ITIH5: variants seen among roughly 807,000 people sequenced by gnomAD.
ITIH5 encodes inter-alpha-trypsin inhibitor heavy chain 5.
A neutral mutation model predicts 77.5 loss-of-function variants in ITIH5; 65 were observed. The ratio of observed to expected loss-of-function variants is 0.84; its 90% CI spans 0.69 to 1.03. The LOEUF (loss-of-function observed/expected upper bound fraction) is 1.03. ITIH5 is among the 50% of genes least tolerant of loss of function. ITIH5 has a pLI of 0.00. For missense variants in ITIH5, 1,208 were observed against 1,213.1 expected, an observed-to-expected ratio of 1.00 and a Z score of 0.06; for synonymous variants, 525 against 494.3, an observed-to-expected ratio of 1.06 and a Z score of -0.82.
At chr10:7,640,137 G>A (rs1030040981) in intron 4 of ITIH5, among the ~76,000 whole-genome samples, 1 of 122,212 alleles carries the variant, frequency 8.2e-6, no homozygotes, top group Non-Finnish European at 1.7e-5. Context: ...TTTAGAGTTA[G>A]GGGGTAACTA....
intron 1 of ITIH5, among the ~76,000 whole-genome samples, chr10:7,656,149 T>C (rs890955441): frequency 1.3e-5 from 2 of 152,204 alleles, no homozygotes; most frequent in Admixed American, 6.5e-5. Context: ...TTGAATTTTC[T>C]TCATGGTGTC....
At chr10:7,606,359 C>T (rs181979863) in intron 7 of ITIH5, among the ~76,000 whole-genome samples, 1 of 152,308 alleles carries the variant, frequency 6.6e-6, no homozygotes, top group African/African-American at 2.4e-5. Flanking sequence ...ACCTAAATGA[C>T]CATCAGTGGT....
intron 13 of ITIH5, among the ~76,000 whole-genome samples, chr10:7,565,779 T>TAC (rs57241496): frequency 0.23 from 33,756 of 148,582 alleles, 4,857 homozygotes; most frequent in East Asian, 0.4. Flanking sequence ...TATGCATACA[T>TAC]ACAGACTATA....
chr10:7,576,997 G>A lies in ITIH5; in HGVS notation c.1434C>T (p.Ile478=), dbSNP rs1179655781. ...GGATGTCAGAGAGGAGCGGGGTCCT[G>A]ATTTCATCGTAGAACCTGCAGTGGA... ...GSQLIGFYDE[I]RTPLLSDIRI... is the part of the protein sequence containing the mutation. The change falls in exon 10 of 14, where the codon ATC becomes ATT. Residue 478 remains isoleucine, a synonymous_variant. Transcript: ENST00000397146. 1 of 1,609,542 alleles carries A rather than the reference G, an allele frequency of 6.2e-7. No individual in the cohort carries two copies. The highest frequency in any genetic ancestry group is 8.5e-7 in the Non-Finnish European group (1 of 1,176,860).
At chr10:7,651,503 GA>G (rs1834100689) in intron 2 of ITIH5, among the ~76,000 whole-genome samples, 1 of 152,076 alleles carries the variant, frequency 6.6e-6, no homozygotes, top group South Asian at 2.1e-4. Flanking sequence ...AGGTGCTCGG[GA>G]GACTGAGGCG....
chr10:7,575,517 T>A (rs1832392705), intron 10 of ITIH5, among the ~76,000 whole-genome samples: 1 of 152,210 alleles, frequency 6.6e-6, no homozygotes, highest in Non-Finnish European at 1.5e-5. Context: ...AAACGCGATT[T>A]TCCACACGCA....
At chr10:7,636,981 G>T (rs1833808159) in intron 5 of ITIH5, among the ~76,000 whole-genome samples, 1 of 152,174 alleles carries the variant, frequency 6.6e-6, no homozygotes, top group Non-Finnish European at 1.5e-5. Flanking sequence ...AACACGGGAG[G>T]CGGAGGTTGC....
chr10:7,612,293 T>C (rs1315307644), intron 7 of ITIH5, among the ~76,000 whole-genome samples: 1 of 152,218 alleles, frequency 6.6e-6, no homozygotes, highest in Non-Finnish European at 1.5e-5. Flanking sequence ...ATATTAACTA[T>C]GCAAATTTAA....
chr10:7,647,791 T>C (rs559889472), intron 2 of ITIH5, among the ~76,000 whole-genome samples: 1 of 152,302 alleles, frequency 6.6e-6, no homozygotes, highest in South Asian at 2.1e-4. Context: ...ACTATGAAGA[T>C]AAACTGTAAA....
chr10:7,615,864 C>T (rs1833353453), intron 7 of ITIH5, 118 bp downstream of exon 7: 3 of 692,648 alleles, frequency 4.3e-6, no homozygotes, highest in South Asian at 3.4e-5. Flanking sequence ...TTTCCATAGG[C>T]AGGAATCGCT....
At chr10:7,607,241 C>A (rs1833143515) in intron 7 of ITIH5, among the ~76,000 whole-genome samples, 1 of 152,190 alleles carries the variant, frequency 6.6e-6, no homozygotes, top group South Asian at 2.1e-4. Flanking sequence ...AGTAAATAAG[C>A]TTTTACTGGA....
At chr10:7,609,359 C>A in intron 7 of ITIH5, 1 of 437,442 alleles carries the variant, frequency 2.3e-6, no homozygotes, top group South Asian at 1.7e-5. Flanking sequence ...GTTGGGAATG[C>A]ATATTGTAAT....
intron 2 of ITIH5, among the ~76,000 whole-genome samples, chr10:7,647,295 C>T (rs1013686612): frequency 1.3e-5 from 2 of 152,202 alleles, no homozygotes; most frequent in Admixed American, 6.5e-5. Flanking sequence ...TACATACTGT[C>T]TATGGCTGCT....
intron 2 of ITIH5, among the ~76,000 whole-genome samples, chr10:7,647,001 G>T (rs1323025836): frequency 6.6e-6 from 1 of 152,206 alleles, no homozygotes; most frequent in Non-Finnish European, 1.5e-5. Context: ...TTCAAGTGCT[G>T]CCATCTTTGG....
rs533387670 is a variant in ITIH5, at chr10:7,564,077, G to GC, written c.2528-694dup. On this transcript the variant is annotated intron_variant, in intron 13 of 13. Coordinates refer to ENST00000397146, the MANE Select transcript of ITIH5 (RefSeq NM_030569.7). ...GCCTGCTGGGCACGGCCACGTGGGT[G>GC]CCCCCCCGGTGGGGGTGTCGCTCAG... 2.7e-3 allele frequency among the ~76,000 whole-genome samples: 412 copies of GC among 152,252 alleles called. 1 individual carries two copies. The highest frequency in any genetic ancestry group is 0.013 in the South Asian group (64 of 4,814).
chr10:7,591,715 C>T (rs1832796940), intron 7 of ITIH5, among the ~76,000 whole-genome samples: 1 of 152,122 alleles, frequency 6.6e-6, no homozygotes, highest in Non-Finnish European at 1.5e-5. Flanking sequence ...CCCTGCCTCC[C>T]AGCCCTGCCC....
intron 5 of ITIH5, among the ~76,000 whole-genome samples, chr10:7,628,873 G>GTGTTGTAGCATGTGTCCC (rs1833644013): frequency 5.0e-5 from 3 of 60,068 alleles, no homozygotes; most frequent in African/African-American, 7.4e-5. Context: ...GCGTGTGTCC[G>GTGTTGTAGCATGTGTCCC]TGTTGTAGCG....
intron 5 of ITIH5, among the ~76,000 whole-genome samples, chr10:7,630,263 T>C (rs1346269542): frequency 6.6e-6 from 1 of 152,244 alleles, no homozygotes; most frequent in African/African-American, 2.4e-5. Flanking sequence ...AAGTGTTTGT[T>C]GAAGGAACTG....
chr10:7,640,879 C>T (rs1374196930), intron 3 of ITIH5, 24 bp from the exon 4 acceptor site: 26 of 1,506,060 alleles, frequency 1.7e-5, no homozygotes, highest in Non-Finnish European at 2.2e-5. Context: ...GACAGTTGTG[C>T]TACCAGCTTG....
Sources: allele counts gnomAD v4.1 joint callset (sites outside exome capture counted in the v4.1 genomes callset), GRCh38; gene constraint gnomAD v4.1.1; transcripts MANE v1.5; gene names NCBI Gene and HGNC (gene_info 2026-07-23, HGNC 2026-07-21).